Variants in KCTD16 observed in about 807,000 individuals in gnomAD.
KCTD16 encodes the protein potassium channel tetramerization domain containing 16.
A neutral mutation model predicts 33.2 loss-of-function variants in KCTD16; 13 were observed. The ratio of observed to expected loss-of-function variants is 0.39; its 90% confidence interval spans 0.25 to 0.62. KCTD16 has a LOEUF of 0.62. Among genes scored for constraint, KCTD16 ranks in the 20% least tolerant of loss-of-function variants. The pLI is 0.50. For missense variants in KCTD16, 441 were observed against 525.1 expected (o/e 0.84, Z 1.57); for synonymous variants, 197 against 195.3 (o/e 1.01, Z -0.07).
At chr5:144,268,113 G>A (rs1301891538) in intron 3 of KCTD16, among the ~76,000 whole-genome samples, 1 of 152,136 alleles carries the variant, frequency 6.6e-6, no homozygotes, top group Non-Finnish European at 1.5e-5. Flanking sequence ...TCAGCTCTTA[G>A]CACAGCAGTA....
chr5:144,451,744 T>G (rs545987117), intron 3 of KCTD16, among the ~76,000 whole-genome samples: 46 of 152,308 alleles, frequency 3.0e-4, no homozygotes, highest in Non-Finnish European at 5.7e-4. Flanking sequence ...AAAGTGAGTT[T>G]GAGGGACTTT....
chr5:144,481,523 C>A lies in KCTD16; in HGVS notation c.*7409C>A, dbSNP rs933009057. 1 of 151,878 alleles carries A rather than the reference C, an allele frequency of 6.6e-6. No homozygotes were observed. Among genetic ancestry groups the A allele is most frequent in the African/African-American group, 2.4e-5 (1 of 41,398 alleles). The allele number at this position is 151,878 out of a possible 1,614,324, so 9.4% of individuals were successfully genotyped here. A position where few individuals can be genotyped will look rare whatever the true frequency, so the allele number is the denominator to read the frequency against. ...TATATACACTGACTTTATTAGAACA[C>A]AATTTGTGTCTGAAATGATTTGACA... On this transcript the variant is annotated 3_prime_UTR_variant, in exon 4 of 4. Transcript: ENST00000512467.
At chr5:144,278,483 T>TCC (rs1434245664) in intron 3 of KCTD16, among the ~76,000 whole-genome samples, 52 of 137,908 alleles carry the variant, frequency 3.8e-4, no homozygotes, top group African/African-American at 1.4e-3. Context: ...TTTGTTAGTC[T>TCC]TCTTTTTTTT....
At chr5:144,179,680 C>G (rs779285522) in intron 2 of KCTD16, among the ~76,000 whole-genome samples, 6 of 152,186 alleles carry the variant, frequency 3.9e-5, no homozygotes, top group Non-Finnish European at 8.8e-5. Flanking sequence ...TGAATCTTGT[C>G]TTTGCCTTTC....
chr5:144,345,022 G>T (rs1235920975), intron 3 of KCTD16, among the ~76,000 whole-genome samples: 1 of 151,882 alleles, frequency 6.6e-6, no homozygotes, highest in Non-Finnish European at 1.5e-5. Flanking sequence ...ATACTATGCA[G>T]CCATGAAAAA....
intron 3 of KCTD16, among the ~76,000 whole-genome samples, chr5:144,428,855 G>C (rs1388202999): frequency 1.3e-5 from 2 of 152,170 alleles, no homozygotes; most frequent in Admixed American, 1.3e-4. Context: ...GGCAGATGCT[G>C]TTCCTTAATA....
intron 3 of KCTD16, among the ~76,000 whole-genome samples, chr5:144,245,920 C>T (rs183487372): frequency 2.0e-5 from 3 of 152,236 alleles, no homozygotes; most frequent in Admixed American, 1.3e-4. Context: ...TATAAATTAC[C>T]CAGTCTCAGC....
chr5:144,189,295 A>C (rs1752790721), intron 2 of KCTD16, among the ~76,000 whole-genome samples: 1 of 152,106 alleles, frequency 6.6e-6, no homozygotes, highest in Non-Finnish European at 1.5e-5. Flanking sequence ...GATTGAGACC[A>C]TCCTGGCTAA....
intron 3 of KCTD16, among the ~76,000 whole-genome samples, chr5:144,465,353 C>T (rs1468410524): frequency 6.6e-6 from 1 of 152,098 alleles, no homozygotes; most frequent in African/African-American, 2.4e-5. Flanking sequence ...AATTCCTTTT[C>T]CCAGATGATA....
chr5:144,440,233 A>T (rs1208752308), intron 3 of KCTD16, among the ~76,000 whole-genome samples: 1 of 152,144 alleles, frequency 6.6e-6, no homozygotes, highest in African/African-American at 2.4e-5. Flanking sequence ...TCTGTTGAAA[A>T]CACAGGCTGT....
chr5:144,407,232 A>G (rs1164510833), intron 3 of KCTD16, among the ~76,000 whole-genome samples: 2 of 150,702 alleles, frequency 1.3e-5, no homozygotes, highest in Admixed American at 6.6e-5. Flanking sequence ...TATGTCATCA[A>G]CTAAATTTTA....
chr5:144,446,262 A>G (rs1321868993), intron 3 of KCTD16, among the ~76,000 whole-genome samples: 1 of 151,948 alleles, frequency 6.6e-6, no homozygotes, highest in African/African-American at 2.4e-5. Context: ...CTACATGGTG[A>G]TCTTTTTAAA....
intron 3 of KCTD16, among the ~76,000 whole-genome samples, chr5:144,366,333 A>G (rs756704179): frequency 5.9e-5 from 9 of 152,138 alleles, no homozygotes; most frequent in Non-Finnish European, 8.8e-5. Flanking sequence ...CCAAAGAGGG[A>G]TGTAAGGATA....
Position 144,211,805 on chromosome 5 carries a change from T to A in KCTD16, c.832+4259T>A, listed in dbSNP as rs561209860. ...GGCCAAAATCATAAGGTATGTGATGTTTGGTCCTTACACTACCAGCATCTC... is the reference window on the plus strand; with the variant it reads ...GGCCAAAATCATAAGGTATGTGATGATTGGTCCTTACACTACCAGCATCTC... On this transcript the variant is annotated intron_variant, in intron 3 of 3. Transcript: ENST00000512467. Among the ~76,000 whole-genome samples, 129 of 152,238 alleles carry A rather than the reference T, an allele frequency of 8.5e-4. 1 individual carries two copies. In the South Asian group the frequency reaches 0.026, roughly 30 times the overall value.
At position 144,388,065 on chromosome 5, in the gene KCTD16, G is replaced by GTTTTTTT. The variant is rs397999492; in HGVS notation, c.833-85571_833-85565dup. 2.6e-3 allele frequency among the ~76,000 whole-genome samples: 194 copies of GTTTTTTT among 73,648 alleles called. 37 individuals are homozygous for GTTTTTTT. Among genetic ancestry groups the GTTTTTTT allele is most frequent in the African/African-American group, 9.3e-3 (149 of 16,088 alleles). 48.3% of individuals were successfully genotyped at this position (73,648 alleles called of 152,430 possible). On this transcript the variant is annotated intron_variant, in intron 3 of 3. Transcript: ENST00000512467. ...AATCCAGAGTTCAATTTTAGAGCAA[G>GTTTTTTT]TTTTTTTTTTTTTTTTTTTTTTTTT...
chr5:144,355,834 C>G (rs1751557813), intron 3 of KCTD16, among the ~76,000 whole-genome samples: 1 of 152,134 alleles, frequency 6.6e-6, no homozygotes, highest in Admixed American at 6.6e-5. Flanking sequence ...ATCTACTCCC[C>G]TTGCTCAGAA....
At chr5:144,260,935 T>C (rs1227400074) in intron 3 of KCTD16, among the ~76,000 whole-genome samples, 2 of 152,024 alleles carry the variant, frequency 1.3e-5, no homozygotes, top group African/African-American at 4.8e-5. Context: ...TAATTAACTC[T>C]ATAGGCTGGC....
intron 3 of KCTD16, among the ~76,000 whole-genome samples, chr5:144,261,360 TAGA>T (rs1755006995): frequency 6.6e-6 from 1 of 152,144 alleles, no homozygotes; most frequent in Non-Finnish European, 1.5e-5. Context: ...GGGGTTTTCT[TAGA>T]AGATTAATTT....
At chr5:144,448,377 T>G (rs1451563653) in intron 3 of KCTD16, among the ~76,000 whole-genome samples, 1 of 152,118 alleles carries the variant, frequency 6.6e-6, no homozygotes, top group Non-Finnish European at 1.5e-5. Context: ...AATTTCTACT[T>G]GGAGAAGAGC....
Sources: gnomAD v4.1 joint callset for allele counts (sites outside exome capture counted in the v4.1 genomes callset) on GRCh38, gnomAD v4.1.1 for gene constraint, MANE v1.5 for transcripts, NCBI Gene and HGNC (gene_info 2026-07-23, HGNC 2026-07-21) for gene names.